Variants in FOXJ3 observed in about 807,000 individuals in gnomAD.
FOXJ3 encodes the protein forkhead box protein J3.
In FOXJ3, 22 loss-of-function variants were observed where a neutral mutation model predicts 76.1. The ratio of observed to expected loss-of-function variants is 0.29; its 90% CI spans 0.21 to 0.41. The LOEUF (loss-of-function observed/expected upper bound fraction) is 0.41. Ranked by LOEUF, FOXJ3 falls within the 10% of genes least tolerant of loss-of-function variation. FOXJ3 has a pLI of 1.00. For synonymous variants in FOXJ3, 269 were observed against 261.2 expected (o/e 1.03, Z -0.29); for missense variants, 613 against 762.1 (o/e 0.80, Z 2.30).
At chr1:42,252,851 G>A (rs1278135951) in intron 4 of FOXJ3, among the ~76,000 whole-genome samples, 1 of 151,270 alleles carries the variant, frequency 6.6e-6, no homozygotes, top group Admixed American at 6.6e-5. Flanking sequence ...CCCACAGCCA[G>A]TATCATACTG....
chr1:42,251,996 C>T (rs979921165), intron 4 of FOXJ3, among the ~76,000 whole-genome samples: 2 of 152,020 alleles, frequency 1.3e-5, no homozygotes, highest in African/African-American at 4.8e-5. Flanking sequence ...GGATTACAGG[C>T]GTGAGCCACC....
At chr1:42,255,592 G>A (rs1650521105) in intron 4 of FOXJ3, among the ~76,000 whole-genome samples, 1 of 152,184 alleles carries the variant, frequency 6.6e-6, no homozygotes, top group Non-Finnish European at 1.5e-5. Context: ...TTGTTTACCA[G>A]AGAAACGCTT....
chr1:42,309,273 C>G (rs1345015384), intron 2 of FOXJ3, among the ~76,000 whole-genome samples: 1 of 152,180 alleles, frequency 6.6e-6, no homozygotes, highest in Non-Finnish European at 1.5e-5. Context: ...TCCAACCACA[C>G]TGACCTCCTC....
chr1:42,292,983 C>T (rs548729106), intron 2 of FOXJ3, among the ~76,000 whole-genome samples: 1 of 151,948 alleles, frequency 6.6e-6, no homozygotes, highest in African/African-American at 2.4e-5. Flanking sequence ...CACCTGTAGT[C>T]CCAGCTACTC....
chr1:42,184,778 G>GT lies in FOXJ3; in HGVS notation c.1646-2755dup, dbSNP rs911600416. On this transcript the variant is annotated intron_variant, in intron 11 of 12. Coordinates refer to ENST00000361346, the MANE Select transcript of FOXJ3 (RefSeq NM_014947.5). ...CAAGGAAGGCATCCCCTGAGCAGGTGTTTTTTGAGGAAAAACAACGGAACA... is the reference window on the plus strand; with the variant it reads ...CAAGGAAGGCATCCCCTGAGCAGGTGTTTTTTTGAGGAAAAACAACGGAACA... 3.0e-4 allele frequency among the ~76,000 whole-genome samples: 46 copies of GT among 152,084 alleles called. 2 individuals are homozygous for GT. Among genetic ancestry groups the GT allele is most frequent in the African/African-American group, 1.0e-3 (42 of 41,414 alleles).
intron 11 of FOXJ3, among the ~76,000 whole-genome samples, chr1:42,188,279 G>A (rs1646477045): frequency 6.6e-6 from 1 of 152,170 alleles, no homozygotes; most frequent in Non-Finnish European, 1.5e-5. Context: ...TGGGTCTAAA[G>A]TAAAACATCA....
chr1:42,224,708 G>A (rs1647406398), intron 5 of FOXJ3, among the ~76,000 whole-genome samples: 2 of 151,750 alleles, frequency 1.3e-5, no homozygotes, highest in Admixed American at 1.3e-4. Context: ...TAGGATGGAG[G>A]TAACTGTCAA....
chr1:42,213,527 G>A (rs1388844932), intron 5 of FOXJ3, among the ~76,000 whole-genome samples: 2 of 147,764 alleles, frequency 1.4e-5, no homozygotes, highest in East Asian at 2.0e-4. Context: ...TCAACAAGAA[G>A]ATATAACAAA....
intron 2 of FOXJ3, among the ~76,000 whole-genome samples, chr1:42,303,643 T>A (rs562631208): frequency 6.6e-6 from 1 of 152,292 alleles, no homozygotes; most frequent in South Asian, 2.1e-4. Context: ...ATAAAAGGCA[T>A]CTTTAAGGAA....
intron 2 of FOXJ3, among the ~76,000 whole-genome samples, chr1:42,307,821 C>T (rs1268802401): frequency 6.6e-6 from 1 of 151,654 alleles, no homozygotes; most frequent in African/African-American, 2.4e-5. Context: ...AAGGCAAGTT[C>T]TGTCTTTCCA....
chr1:42,243,611 G>C (rs1338059237), intron 4 of FOXJ3, among the ~76,000 whole-genome samples: 1 of 152,130 alleles, frequency 6.6e-6, no homozygotes, highest in African/African-American at 2.4e-5. Context: ...ACCAAGATAA[G>C]TAGAGACAGT....
intron 4 of FOXJ3, among the ~76,000 whole-genome samples, chr1:42,254,684 A>C: frequency 7.0e-6 from 1 of 142,798 alleles, no homozygotes; most frequent in Non-Finnish European, 1.5e-5. Flanking sequence ...TGAAATTGGA[A>C]ATCATCATTC....
chr1:42,264,763 C>A (rs1003914179), intron 4 of FOXJ3, among the ~76,000 whole-genome samples: 1 of 152,090 alleles, frequency 6.6e-6, no homozygotes, highest in African/African-American at 2.4e-5. Flanking sequence ...TGTTTTATTC[C>A]AGTGTAAGAA....
chr1:42,334,220 G>T (rs1052826467), intron 1 of FOXJ3: 6 of 571,436 alleles, frequency 1.0e-5, no homozygotes, highest in Non-Finnish European at 1.3e-5. Context: ...GAGGAAAAAA[G>T]ATGTTAATGA....
chr1:42,218,910 G>A (rs1388115891), intron 5 of FOXJ3, among the ~76,000 whole-genome samples: 2 of 152,216 alleles, frequency 1.3e-5, no homozygotes, highest in East Asian at 3.9e-4. Flanking sequence ...CTCTACCTCA[G>A]AGCCCTTGCA....
At chr1:42,263,054 TC>T (rs1344033997) in intron 4 of FOXJ3, among the ~76,000 whole-genome samples, 1 of 152,150 alleles carries the variant, frequency 6.6e-6, no homozygotes, top group Non-Finnish European at 1.5e-5. Context: ...CTCATTAGCC[TC>T]TCAGGACTCA....
At chr1:42,180,627 C>A (rs979725456) in intron 12 of FOXJ3, among the ~76,000 whole-genome samples, 1 of 152,030 alleles carries the variant, frequency 6.6e-6, no homozygotes, top group Non-Finnish European at 1.5e-5. Flanking sequence ...GTCTGCTACT[C>A]ATTTTTCTCA....
chr1:42,234,562 G>A (rs573079500), intron 4 of FOXJ3, among the ~76,000 whole-genome samples: 6 of 152,216 alleles, frequency 3.9e-5, no homozygotes, highest in East Asian at 3.9e-4. Flanking sequence ...TGATGGTGAC[G>A]TACAGATGGG....
intron 7 of FOXJ3, 110 bp from the exon 8 acceptor site, chr1:42,195,174 T>C (rs1646627714): frequency 1.3e-6 from 1 of 796,712 alleles, no homozygotes; most frequent in East Asian, 2.9e-5. Flanking sequence ...TCAAAGAAAA[T>C]AACTCTTCTG....
Sources: allele counts gnomAD v4.1 joint callset (sites outside exome capture counted in the v4.1 genomes callset), GRCh38; gene constraint gnomAD v4.1.1; transcripts MANE v1.5; gene names NCBI Gene and HGNC (gene_info 2026-07-23, HGNC 2026-07-21).